TMEM87A: variants seen among roughly 807,000 people sequenced by gnomAD.
TMEM87A encodes Golgi-pH regulating cation channel.
Under a neutral mutation model 90.0 loss-of-function variants are expected in TMEM87A, and 50 were observed. That is an observed-to-expected ratio of 0.56 (90% CI 0.44 to 0.70). The LOEUF is 0.70. Ranked by LOEUF, TMEM87A falls within the 30% of genes least tolerant of loss-of-function variation. The pLI is 0.00. For missense variants in TMEM87A, 577 were observed against 660.5 expected (o/e 0.87, Z 1.39); for synonymous variants, 226 against 226.7 (o/e 1.00, Z 0.03).
chr15:42,259,398 A>G (rs1450317530), intron 6 of TMEM87A, among the ~76,000 whole-genome samples: 1 of 152,188 alleles, frequency 6.6e-6, no homozygotes, highest in Non-Finnish European at 1.5e-5. Flanking sequence ...GAAAAAATAC[A>G]TTTGGAGGTC....
At chr15:42,223,887 T>C (rs1190955898) in intron 15 of TMEM87A, among the ~76,000 whole-genome samples, 2 of 152,248 alleles carry the variant, frequency 1.3e-5, no homozygotes, top group African/African-American at 2.4e-5. Context: ...ACCTCTCTCA[T>C]ACCATTGTTG....
chr15:42,219,606 T>C lies in TMEM87A; in HGVS notation c.1514A>G (p.Asn505Ser), dbSNP rs375405837. Residue 505 changes from asparagine to serine, a missense_variant, in exon 17 of 20, where the codon AAT (asparagine) becomes AGT (serine). Asn to Ser is a conservative substitution (Grantham distance 46). Transcript: ENST00000389834. ...TGCTTTGTTAACTTTACTATTTCCA[T>C]TGGGTTCTTGTTTGGTACTTCTCAT... is the stretch of plus-strand genomic sequence containing the variant. ...MKMRSTKQEP[N>S]GNSKVNKAQE... is the part of the protein sequence containing the mutation. 205 of 1,600,636 alleles carry C rather than the reference T, an allele frequency of 1.3e-4. No homozygotes were observed. The highest frequency in any genetic ancestry group is 1.6e-4 in the Non-Finnish European group (187 of 1,172,932).
chr15:42,238,105 A>G (rs533079665), intron 8 of TMEM87A, among the ~76,000 whole-genome samples: 8 of 152,224 alleles, frequency 5.3e-5, no homozygotes, highest in South Asian at 4.1e-4. Flanking sequence ...CATATATGGT[A>G]TATATAGAGA....
intron 2 of TMEM87A, 50 bp from the exon 3 acceptor site, chr15:42,268,082 ATT>A (rs767149880): frequency 6.6e-7 from 1 of 1,517,644 alleles, no homozygotes; most frequent in Non-Finnish European, 9.1e-7. Flanking sequence ...CCAACAAAGC[ATT>A]TTTCCTAAGC....
chr15:42,262,049 T>C (rs1045528807), intron 4 of TMEM87A: 1 of 152,238 alleles, frequency 6.6e-6, no homozygotes, highest in African/African-American at 2.4e-5. Context: ...AGATGAGGCA[T>C]TGTCCTTCCT....
At chr15:42,220,767 TTTTA>T (rs528973810) in intron 15 of TMEM87A, among the ~76,000 whole-genome samples, 240 of 152,250 alleles carry the variant, frequency 1.6e-3, no homozygotes, top group African/African-American at 5.6e-3. Context: ...ATGCTTTAGC[TTTTA>T]TTTATTTGTT....
intron 6 of TMEM87A, among the ~76,000 whole-genome samples, chr15:42,255,257 C>A (rs1386350842): frequency 6.6e-6 from 1 of 152,080 alleles, no homozygotes; most frequent in Non-Finnish European, 1.5e-5. Flanking sequence ...CCTCAGCCTC[C>A]CAAGTAGCTA....
intron 7 of TMEM87A, among the ~76,000 whole-genome samples, chr15:42,240,277 T>C (rs1341623947): frequency 6.6e-6 from 1 of 152,150 alleles, no homozygotes; most frequent in Non-Finnish European, 1.5e-5. Context: ...AATGAAGGCA[T>C]TGGAAAAAAA....
intron 18 of TMEM87A, 84 bp downstream of exon 18, chr15:42,218,239 G>T: frequency 1.6e-6 from 2 of 1,285,504 alleles, no homozygotes; most frequent in South Asian, 1.3e-5. Context: ...GTATTTTCAT[G>T]AGTATAACTT....
intron 8 of TMEM87A, among the ~76,000 whole-genome samples, chr15:42,238,792 C>T (rs1425532995): frequency 2.1e-5 from 3 of 143,944 alleles, no homozygotes; most frequent in Admixed American, 1.4e-4. Flanking sequence ...TTTCAGCTCA[C>T]GATCTAAAAT....
intron 6 of TMEM87A, chr15:42,257,957 A>G: frequency 3.1e-6 from 3 of 982,718 alleles, no homozygotes; most frequent in Non-Finnish European, 3.6e-6. Context: ...ATTACAAAGG[A>G]TTTTTACTTT....
At chr15:42,214,126 G>T (rs904913581) in intron 19 of TMEM87A, among the ~76,000 whole-genome samples, 1 of 151,608 alleles carries the variant, frequency 6.6e-6, no homozygotes, top group Non-Finnish European at 1.5e-5. Context: ...AGAAAATCCG[G>T]GGGGGGAACA....
At chr15:42,226,598 G>T in intron 15 of TMEM87A, 1 of 513,004 alleles carries the variant, frequency 1.9e-6, no homozygotes, top group Non-Finnish European at 3.5e-6. Flanking sequence ...ATATAGAAAG[G>T]AAACTAAGGC....
chr15:42,272,509 G>A lies in TMEM87A; in HGVS notation c.145-386C>T, dbSNP rs553548208. Reference sequence around the variant, plus strand: ...GAGCAGAGCAGAATGAAACAAAAAGGCCAACGTAGGTTTAATGGGGCTAAT... The same window carrying A: ...GAGCAGAGCAGAATGAAACAAAAAGACCAACGTAGGTTTAATGGGGCTAAT... On this transcript the variant is annotated intron_variant, in intron 1 of 19. Coordinates refer to ENST00000389834, the MANE Select transcript of TMEM87A (RefSeq NM_015497.5). Among the ~76,000 whole-genome samples, 5 of 152,278 alleles carry A rather than the reference G, an allele frequency of 3.3e-5. No homozygotes were observed. The East Asian group carries it at 9.7e-4, about 29-fold the overall frequency.
At chr15:42,250,542 G>T (rs535998179) in intron 6 of TMEM87A, among the ~76,000 whole-genome samples, 1 of 152,256 alleles carries the variant, frequency 6.6e-6, no homozygotes, top group African/African-American at 2.4e-5. Context: ...AGTTTGGCTG[G>T]ATATGAAATT....
intron 7 of TMEM87A, 83 bp from the exon 8 acceptor site, chr15:42,239,814 T>A (rs1040763028): frequency 1.7e-6 from 2 of 1,171,386 alleles, no homozygotes; most frequent in African/African-American, 3.0e-5. Flanking sequence ...TTAATGAACT[T>A]AGTAAGAATT....
intron 6 of TMEM87A, among the ~76,000 whole-genome samples, chr15:42,246,311 T>A (rs971895637): frequency 2.6e-5 from 4 of 152,240 alleles, no homozygotes; most frequent in Admixed American, 2.6e-4. Context: ...TGTTTTTTTT[T>A]ATACCTTAAG....
rs780154058 is a variant in TMEM87A at position 42,264,147 on chromosome 15, C to T, written c.348G>A (p.Gly116=). The change falls in exon 4 of 20, where the codon GGG becomes GGA. Residue 116 remains glycine (G), a synonymous_variant. Transcript: ENST00000389834. ...ACAATTTTGATGATGTTTGATATTT[C>T]CCAGACAAGCCTCTTTTTTCCTTAA... ...EKLKEKRGLS[G]KYQTSSKLFQ... 5 of 1,613,664 alleles carry T rather than the reference C, an allele frequency of 3.1e-6. No homozygotes were observed. Among genetic ancestry groups the T allele is most frequent in the Non-Finnish European group, 4.2e-6 (5 of 1,179,862 alleles).
intron 15 of TMEM87A, among the ~76,000 whole-genome samples, chr15:42,225,062 C>T (rs1176802774): frequency 6.6e-6 from 1 of 152,138 alleles, no homozygotes; most frequent in African/African-American, 2.4e-5. Context: ...GATTTCAGAT[C>T]TCCTTTATTT....
Sources: gnomAD v4.1 joint callset for allele counts (sites outside exome capture counted in the v4.1 genomes callset) on GRCh38, gnomAD v4.1.1 for gene constraint, MANE v1.5 for transcripts, NCBI Gene and HGNC (gene_info 2026-07-23, HGNC 2026-07-21) for gene names.